The following ARID3B variants were observed in gnomAD, a reference collection of about 807,000 sequenced individuals.
ARID3B encodes the protein AT-rich interaction domain 3B, also known as AT-rich interactive domain-containing protein 3B.
In ARID3B, 10 loss-of-function variants were observed where a neutral mutation model predicts 51.9. The observed-to-expected ratio is 0.19, with a 90% confidence interval of 0.12 to 0.33. The LOEUF (loss-of-function observed/expected upper bound fraction) is 0.33, where lower values mean the gene tolerates loss of function less well. Ranked by LOEUF, ARID3B falls within the 10% of genes least tolerant of loss-of-function variation. The pLI is 1.00. For synonymous variants in ARID3B, 205 were observed against 279.5 expected, an observed-to-expected ratio of 0.73 and a Z score of 2.66; for missense variants, 483 against 716.3, an observed-to-expected ratio of 0.67 and a Z score of 3.72.
chr15:74,558,331 T>G (rs2061667187), intron 2 of ARID3B, among the ~76,000 whole-genome samples: 1 of 152,118 alleles, frequency 6.6e-6, no homozygotes, highest in Non-Finnish European at 1.5e-5. Context: ...TTTTCACATT[T>G]AATTTTCTAA....
rs761652462 is a variant in ARID3B at position 74,544,433 on chromosome 15, C to G, written c.497C>G (p.Pro166Arg). 1.9e-6 allele frequency: 3 copies of G among 1,614,176 alleles called. No homozygotes were observed. The highest frequency in any genetic ancestry group is 2.2e-5 in the South Asian group (2 of 91,080). Residue 166 changes from proline to arginine, a missense_variant, in exon 2 of 9, where the codon CCT becomes CGT. Transcript: ENST00000346246. ...ACCAAAGATGCTTCCAAGGCCTCAC[C>G]TTCTGTCTCCACAGCAGGACAGCCG... ...DHTKDASKAS[P>R]SVSTAGQPNW...
chr15:74,580,942 G>A (rs1238598163), intron 4 of ARID3B, among the ~76,000 whole-genome samples: 1 of 152,224 alleles, frequency 6.6e-6, no homozygotes, highest in Non-Finnish European at 1.5e-5. Context: ...GGTCAGGGCT[G>A]TTTCTCAGAG....
In ARID3B at chr15:74,587,036, T is replaced by C. The variant is rs1227155544; in HGVS notation, c.698-2784T>C. On this transcript the variant is annotated intron_variant, in intron 4 of 8. Coordinates refer to ENST00000346246, the MANE Select transcript of ARID3B (RefSeq NM_006465.4). ...GTGAGTTGGAGTACAAGAGAGTTGC[T>C]TGGATATGCCAGGAATACTTCACAT... 2.0e-5 allele frequency among the ~76,000 whole-genome samples: 3 copies of C among 152,166 alleles called. No homozygotes were observed. In the East Asian group the frequency reaches 5.8e-4, roughly 29 times the overall value.
intron 2 of ARID3B, among the ~76,000 whole-genome samples, chr15:74,547,436 G>A (rs575592766): frequency 3.3e-5 from 5 of 152,112 alleles, no homozygotes; most frequent in Non-Finnish European, 7.3e-5. Context: ...GCCCGTCCTG[G>A]CCTCCCAAAG....
At chr15:74,579,532 G>A (rs1316131380) in intron 4 of ARID3B, among the ~76,000 whole-genome samples, 1 of 152,142 alleles carries the variant, frequency 6.6e-6, no homozygotes, top group Non-Finnish European at 1.5e-5. Context: ...TGTATTGTGT[G>A]TCCATGATTG....
chr15:74,571,843 C>T (rs1043355933), intron 2 of ARID3B, among the ~76,000 whole-genome samples: 2 of 152,186 alleles, frequency 1.3e-5, no homozygotes, highest in African/African-American at 2.4e-5. Context: ...GTGGCTCATG[C>T]CTGTAATCCC....
chr15:74,561,101 A>G (rs566106473), intron 2 of ARID3B, among the ~76,000 whole-genome samples: 1 of 152,176 alleles, frequency 6.6e-6, no homozygotes, highest in South Asian at 2.1e-4. Context: ...TTGTCTTTCA[A>G]CTTGATGTGT....
intron 2 of ARID3B, among the ~76,000 whole-genome samples, chr15:74,550,449 T>G (rs2061632204): frequency 1.3e-5 from 2 of 151,994 alleles, no homozygotes; most frequent in Admixed American, 6.6e-5. Flanking sequence ...TCCCAGCACT[T>G]TGGGAGGCGG....
At chr15:74,587,909 A>T (rs1463101307) in intron 4 of ARID3B, among the ~76,000 whole-genome samples, 1 of 152,162 alleles carries the variant, frequency 6.6e-6, no homozygotes, top group Non-Finnish European at 1.5e-5. Context: ...AGGTCAAGAT[A>T]AAGGTCTTCA....
intron 2 of ARID3B, among the ~76,000 whole-genome samples, chr15:74,545,996 T>A (rs1167702022): frequency 6.6e-6 from 1 of 152,146 alleles, no homozygotes; most frequent in East Asian, 1.9e-4. Context: ...AGGCACATGG[T>A]AGGTAATAGT....
At chr15:74,581,414 T>C (rs1210644325) in intron 4 of ARID3B, among the ~76,000 whole-genome samples, 2 of 152,258 alleles carry the variant, frequency 1.3e-5, no homozygotes, top group African/African-American at 4.8e-5. Flanking sequence ...GTATATTCTT[T>C]GTATCTTACC....
chr15:74,585,276 G>A (rs2061776439), intron 4 of ARID3B, among the ~76,000 whole-genome samples: 1 of 152,132 alleles, frequency 6.6e-6, no homozygotes, highest in Non-Finnish European at 1.5e-5. Context: ...GTGGACAGAG[G>A]CCTCTCTCTC....
chr15:74,567,494 G>T (rs780704512), intron 2 of ARID3B, among the ~76,000 whole-genome samples: 3 of 151,760 alleles, frequency 2.0e-5, no homozygotes, highest in Admixed American at 6.6e-5. Flanking sequence ...CCTGGGGTAG[G>T]TTCTCAGGAA....
At position 74,597,383 on chromosome 15, in the gene ARID3B, C is replaced by T; in HGVS notation, c.*1609C>T. ...GTGGCAGCGTGGCTCGCATTCAGTC[C>T]TGTGTAGGAGAGGAAAGGGAATCAA... On this transcript the variant is annotated 3_prime_UTR_variant, in exon 9 of 9. Transcript: ENST00000346246. 2.3e-6 allele frequency: 1 copy of T among 442,348 alleles called. No homozygotes were observed. Among genetic ancestry groups the T allele is most frequent in the Non-Finnish European group, 4.3e-6 (1 of 233,166 alleles). 27.4% of individuals were successfully genotyped at this position (442,348 alleles called of 1,614,324 possible).
intron 2 of ARID3B, among the ~76,000 whole-genome samples, chr15:74,560,044 A>C (rs2061674085): frequency 6.9e-6 from 1 of 145,882 alleles, no homozygotes; most frequent in Non-Finnish European, 1.5e-5. Flanking sequence ...AAAAAAAACC[A>C]CACACACAAA....
rs1753329232 is a variant in ARID3B, at chr15:74,543,912, T to C, written c.-25T>C. On this transcript the variant is annotated 5_prime_UTR_variant, in exon 2 of 9. Transcript: ENST00000346246. ...GTGCCCAGGTTCAGAGTCATGCCACTCTGTGGGTGAAGCTTGAGGCAAAAA... is the reference window on the plus strand; with the variant it reads ...GTGCCCAGGTTCAGAGTCATGCCACCCTGTGGGTGAAGCTTGAGGCAAAAA... 6.3e-7 allele frequency: 1 copy of C among 1,591,564 alleles called. No homozygotes were observed. Among genetic ancestry groups the C allele is most frequent in the South Asian group, 1.2e-5 (1 of 86,030 alleles).
rs1358612803 is a variant in ARID3B, at chr15:74,597,574, G to A, written c.*1800G>A. Reference sequence around the variant, plus strand: ...TGACCTCCTCTGGCCTCAGCCTGCAGGGTGTGGGCAGAGAAGGGCATCTGG... The same window carrying A: ...TGACCTCCTCTGGCCTCAGCCTGCAAGGTGTGGGCAGAGAAGGGCATCTGG... On this transcript the variant is annotated 3_prime_UTR_variant, in exon 9 of 9. Transcript: ENST00000346246. 5.6e-6 allele frequency: 3 copies of A among 535,598 alleles called. No individual in the cohort carries two copies. The highest frequency in any genetic ancestry group is 4.4e-5 in the Admixed American group (2 of 45,030). The allele number at this position is 535,598 out of a possible 1,614,324, so 33.2% of individuals were successfully genotyped here.
In ARID3B at chr15:74,593,193, G is replaced by T. The variant is rs774801003; in HGVS notation, c.1476G>T (p.Gly492=). ...TGAACCTGACCACGAGTAGCATTGG[G>T]AGCATTAACATGTCTGTGGACATCG... ...AALNLTTSSI[G]SINMSVDIDG... Residue 492 remains glycine (G), a synonymous_variant, in exon 8 of 9, where the codon GGG becomes GGT. Coordinates refer to ENST00000346246, the MANE Select transcript of ARID3B (RefSeq NM_006465.4). 1.2e-6 allele frequency: 2 copies of T among 1,613,762 alleles called. No individual in the cohort carries two copies. The highest frequency in any genetic ancestry group is 3.3e-4 in the Middle Eastern group (2 of 6,056).
At chr15:74,594,407 C>T (rs1016748182) in intron 8 of ARID3B, among the ~76,000 whole-genome samples, 2 of 152,106 alleles carry the variant, frequency 1.3e-5, no homozygotes, top group African/African-American at 4.8e-5. Flanking sequence ...GAGATCGCGC[C>T]ACTGCACTCC....
Sources: gnomAD v4.1 joint callset for allele counts (sites outside exome capture counted in the v4.1 genomes callset) on GRCh38, gnomAD v4.1.1 for gene constraint, MANE v1.5 for transcripts, NCBI Gene and HGNC (gene_info 2026-07-23, HGNC 2026-07-21) for gene names.